NKAIN1: variants seen among roughly 807,000 people sequenced by gnomAD.
The protein encoded by NKAIN1 is sodium/potassium-transporting ATPase subunit beta-1-interacting protein 1.
A neutral mutation model predicts 31.6 loss-of-function variants in NKAIN1; 13 were observed. That is an observed-to-expected ratio of 0.41 (90% confidence interval 0.27 to 0.65). The LOEUF (loss-of-function observed/expected upper bound fraction) is 0.65, where lower values mean the gene tolerates loss of function less well. NKAIN1 is among the 30% of genes least tolerant of loss of function. NKAIN1 has a pLI of 0.30. For synonymous variants in NKAIN1, 104 were observed against 109.0 expected (o/e 0.95, Z 0.28); for missense variants, 193 against 262.2 (o/e 0.74, Z 1.82).
At chr1:31,187,029 T>C (rs1486380761) in intron 2 of NKAIN1, among the ~76,000 whole-genome samples, 1 of 152,210 alleles carries the variant, frequency 6.6e-6, no homozygotes, top group Admixed American at 6.5e-5. Context: ...GATAGTGTTG[T>C]TGACAGTGGT....
At chr1:31,220,205 C>T (rs1286420076) in intron 1 of NKAIN1, among the ~76,000 whole-genome samples, 12 of 140,810 alleles carry the variant, frequency 8.5e-5, no homozygotes, top group African/African-American at 2.3e-4. Context: ...TTAGTACAGA[C>T]GGGGTTTCTC....
chr1:31,204,390 G>A (rs978247236), intron 1 of NKAIN1, among the ~76,000 whole-genome samples: 2 of 152,126 alleles, frequency 1.3e-5, no homozygotes, highest in Non-Finnish European at 2.9e-5. Context: ...CTCCATGCCT[G>A]AGGTCCCACT....
At chr1:31,190,772 G>A (rs531336846) in intron 1 of NKAIN1, among the ~76,000 whole-genome samples, 8 of 152,190 alleles carry the variant, frequency 5.3e-5, no homozygotes, top group African/African-American at 1.2e-4. Flanking sequence ...CCTCTGCCAC[G>A]GTCTCTGTCT....
intron 1 of NKAIN1, among the ~76,000 whole-genome samples, chr1:31,208,633 G>C (rs1645441953): frequency 1.3e-5 from 1 of 79,152 alleles, no homozygotes; most frequent in African/African-American, 3.4e-5. Flanking sequence ...ACATAGTGGG[G>C]GGAGGGGGCC....
rs1041521140 is a variant in NKAIN1 at position 31,218,717 on chromosome 1, G to A, written c.54+20777C>T. On this transcript the variant is annotated intron_variant, in intron 1 of 6. Coordinates refer to ENST00000373736, the MANE Select transcript of NKAIN1 (RefSeq NM_024522.3). Reference sequence around the variant, plus strand: ...TGTGCCCCTGTACCCTCCTCCTCACGTCCCCACTTCCTGTCCTATTTGTCC... The same window carrying A: ...TGTGCCCCTGTACCCTCCTCCTCACATCCCCACTTCCTGTCCTATTTGTCC... Among the ~76,000 whole-genome samples, 5 of 152,238 alleles carry A rather than the reference G, an allele frequency of 3.3e-5. 1 individual carries two copies. The South Asian group carries it at 6.2e-4, about 19-fold the overall frequency.
At chr1:31,187,943 A>G in intron 2 of NKAIN1, 107 bp downstream of exon 2, 3 of 1,209,700 alleles carry the variant, frequency 2.5e-6, no homozygotes, top group Non-Finnish European at 3.4e-6. Context: ...AGCCAAGACC[A>G]GTGCCCCAGT....
Position 31,182,585 on chromosome 1 carries a change from G to A in NKAIN1, c.477C>T (p.Phe159=). 2 of 1,614,102 alleles carry A rather than the reference G, an allele frequency of 1.2e-6. No individual in the cohort carries two copies. Among genetic ancestry groups the A allele is most frequent in the Non-Finnish European group, 8.5e-7 (1 of 1,179,974 alleles). Reference sequence around the variant, plus strand: ...TCACGTAGCAGGCGAACACGAAGCCGAACAGCTGGGAGTGGAGATGACACG... The same window carrying A: ...TCACGTAGCAGGCGAACACGAAGCCAAACAGCTGGGAGTGGAGATGACACG... ...SSALQIFLAL[F]GFVFACYVSK... Residue 159 remains phenylalanine (F), a synonymous_variant, in exon 5 of 7, where the codon TTC becomes TTT. Transcript: ENST00000373736.
intron 1 of NKAIN1, among the ~76,000 whole-genome samples, chr1:31,231,690 C>T (rs2148368115): frequency 2.0e-5 from 1 of 50,262 alleles, no homozygotes; most frequent in Non-Finnish European, 4.2e-5. Flanking sequence ...GCCACCACGC[C>T]CGGCTAATTT....
Position 31,233,861 on chromosome 1 carries a change from TGTAA to T in NKAIN1, c.54+5629_54+5632del, listed in dbSNP as rs1201663160. ...GTAGAAGCTGTTTTTCTGACTACTT[TGTAA>T]GTAAGAAGGCAGAGGCTCAGAGAGG... On this transcript the variant is annotated intron_variant, in intron 1 of 6. Transcript: ENST00000373736. This position sits in a 1 kb window ranked among gnomAD's most constrained non-coding sequence, Gnocchi z 4.0. Among the ~76,000 whole-genome samples, 2 of 152,190 alleles carry T rather than the reference TGTAA, an allele frequency of 1.3e-5. No homozygotes were observed. The highest frequency in any genetic ancestry group is 2.9e-5 in the Non-Finnish European group (2 of 68,028).
rs146904766 is a variant in NKAIN1 at position 31,190,471 on chromosome 1, G to C, written c.55-2284C>G. ...CAGAGAGGGGAAGTGACTTGTCCAA[G>C]GTCACACAGCAGGTTGGTGGCAGAA... On this transcript the variant is annotated intron_variant, in intron 1 of 6. Transcript: ENST00000373736. Among the ~76,000 whole-genome samples, 75 of 152,322 alleles carry C rather than the reference G, an allele frequency of 4.9e-4. 1 individual carries two copies. Among genetic ancestry groups the C allele is most frequent in the African/African-American group, 1.7e-3 (72 of 41,578 alleles).
intron 1 of NKAIN1, among the ~76,000 whole-genome samples, chr1:31,238,121 T>A (rs1414564674): frequency 6.6e-6 from 1 of 152,116 alleles, no homozygotes; most frequent in Admixed American, 6.5e-5. Context: ...ACTTGTCCAG[T>A]CTCCCACAGC....
rs1464681521 is a variant in NKAIN1, at chr1:31,180,228, T to C, written c.*1475A>G. Reference sequence around the variant, plus strand: ...GTGCAAACCATCTGCACCATCTGGGTGCCCCCCAGTTCCTCCATGTCTCCT... The same window carrying C: ...GTGCAAACCATCTGCACCATCTGGGCGCCCCCCAGTTCCTCCATGTCTCCT... On this transcript the variant is annotated 3_prime_UTR_variant, in exon 7 of 7. Coordinates refer to ENST00000373736, the MANE Select transcript of NKAIN1 (RefSeq NM_024522.3). The C allele has an allele frequency of 6.6e-6, 1 of 152,418 alleles. No homozygotes were observed. Among genetic ancestry groups the C allele is most frequent in the South Asian group, 2.1e-4 (1 of 4,832 alleles). 9.4% of individuals were successfully genotyped at this position (152,418 alleles called of 1,614,324 possible). A position where few individuals can be genotyped will look rare whatever the true frequency, so the allele number is the denominator to read the frequency against.
intron 1 of NKAIN1, among the ~76,000 whole-genome samples, chr1:31,232,182 C>T (rs1327319892): frequency 6.7e-6 from 1 of 149,910 alleles, no homozygotes; most frequent in South Asian, 2.1e-4. Context: ...ACATCTGCCT[C>T]CCAGGTTCAA....
chr1:31,214,551 G>A (rs1645496064), intron 1 of NKAIN1, among the ~76,000 whole-genome samples: 1 of 152,106 alleles, frequency 6.6e-6, no homozygotes, highest in Non-Finnish European at 1.5e-5. Context: ...GTGCATGCAT[G>A]TGTGTGTCTG....
At chr1:31,198,937 C>T (rs1645353231) in intron 1 of NKAIN1, among the ~76,000 whole-genome samples, 2 of 152,302 alleles carry the variant, frequency 1.3e-5, no homozygotes, top group Admixed American at 6.5e-5. Flanking sequence ...AGGAAGCTGG[C>T]TGGGAGAGAA....
intron 1 of NKAIN1, among the ~76,000 whole-genome samples, chr1:31,211,237 A>G (rs1292585173): frequency 6.6e-6 from 1 of 152,256 alleles, no homozygotes; most frequent in African/African-American, 2.4e-5. Flanking sequence ...TGCAGATTAC[A>G]TGATCTTGTA....
chr1:31,218,758 C>T (rs1178738737), intron 1 of NKAIN1, among the ~76,000 whole-genome samples: 2 of 152,380 alleles, frequency 1.3e-5, no homozygotes, highest in African/African-American at 2.4e-5. Flanking sequence ...ACCAACCAGC[C>T]CAGCCTGTCA....
At chr1:31,231,367 T>C (rs1312013159) in intron 1 of NKAIN1, among the ~76,000 whole-genome samples, 1 of 143,862 alleles carries the variant, frequency 7.0e-6, no homozygotes, top group Non-Finnish European at 1.5e-5. Flanking sequence ...AGATGCAGGG[T>C]CTTGCCATGT....
At chr1:31,192,528 T>C (rs1570453796) in intron 1 of NKAIN1, among the ~76,000 whole-genome samples, 3 of 151,774 alleles carry the variant, frequency 2.0e-5, no homozygotes, top group Admixed American at 2.0e-4. Context: ...CGTCTCTTCC[T>C]CCGATGGTGA....
Sources: allele counts gnomAD v4.1 joint callset (sites outside exome capture counted in the v4.1 genomes callset), GRCh38; gene constraint gnomAD v4.1.1; non-coding constraint Gnocchi (gnomAD v3.1); transcripts MANE v1.5; gene names NCBI Gene and HGNC (gene_info 2026-07-23, HGNC 2026-07-21).